The following SRGAP1 variants were observed in gnomAD, a reference collection of about 807,000 sequenced individuals.
SRGAP1 encodes the protein SLIT-ROBO Rho GTPase activating protein 1.
Under a neutral mutation model 121.9 loss-of-function variants are expected in SRGAP1, and 43 were observed. That is an observed-to-expected ratio of 0.35 (90% CI 0.28 to 0.46). The LOEUF is 0.46. SRGAP1 is among the 20% of genes least tolerant of loss of function. SRGAP1 has a pLI of 1.00. For synonymous variants in SRGAP1, 447 were observed against 485.4 expected (o/e 0.92, Z 1.04); for missense variants, 1,102 against 1,350.9 (o/e 0.82, Z 2.89).
chr12:63,948,913 C>CAT (rs56741629), intron 1 of SRGAP1, among the ~76,000 whole-genome samples: 6 of 51,058 alleles, frequency 1.2e-4, no homozygotes, highest in South Asian at 6.3e-4. Context: ...ATATATTTTC[C>CAT]ATATATATAT....
intron 15 of SRGAP1, chr12:64,097,664 GGA>G (rs1181714328): frequency 2.2e-5 from 6 of 276,098 alleles, no homozygotes; most frequent in African/African-American, 1.3e-4. Context: ...GCTGCCTAAG[GGA>G]AAGGAGGAAG....
At chr12:64,004,071 C>T (rs745770706) in intron 3 of SRGAP1, among the ~76,000 whole-genome samples, 10 of 152,188 alleles carry the variant, frequency 6.6e-5, no homozygotes, top group Non-Finnish European at 1.5e-4. Flanking sequence ...TGTCTTCAGA[C>T]AAGCCAAGTG....
chr12:63,948,319 A>G (rs112019607), intron 1 of SRGAP1, among the ~76,000 whole-genome samples: 39 of 152,090 alleles, frequency 2.6e-4, no homozygotes, highest in Admixed American at 3.3e-4. Flanking sequence ...TCCTGTCATG[A>G]TTTGAGAAAA....
chr12:64,047,434 T>A (rs928832022), intron 6 of SRGAP1, among the ~76,000 whole-genome samples: 1 of 152,292 alleles, frequency 6.6e-6, no homozygotes, highest in South Asian at 2.1e-4. Flanking sequence ...TGTGAGTTTA[T>A]TTAGCGAAGT....
chr12:63,866,057 G>GT (rs59913144), intron 1 of SRGAP1, among the ~76,000 whole-genome samples: 56 of 151,834 alleles, frequency 3.7e-4, no homozygotes, highest in Admixed American at 1.3e-3. Flanking sequence ...TCAAAATGAC[G>GT]TTTTTTTTAT....
chr12:63,881,188 G>A (rs1218438751), intron 1 of SRGAP1, among the ~76,000 whole-genome samples: 1 of 152,186 alleles, frequency 6.6e-6, no homozygotes, highest in African/African-American at 2.4e-5. Context: ...ACACACAATG[G>A]TGTGTGAACA....
chr12:63,967,970 T>C (rs567212355), intron 1 of SRGAP1, among the ~76,000 whole-genome samples: 4 of 152,218 alleles, frequency 2.6e-5, no homozygotes, highest in Non-Finnish European at 5.9e-5. Flanking sequence ...ACTGTTCTAG[T>C]ATTTTCAATG....
At chr12:64,027,010 G>C (rs1207727558) in intron 4 of SRGAP1, among the ~76,000 whole-genome samples, 2 of 152,066 alleles carry the variant, frequency 1.3e-5, no homozygotes, top group Non-Finnish European at 2.9e-5. Context: ...TTTTAATTCA[G>C]ATTAGCAAGT....
chr12:63,951,152 C>CTTTTTTTT lies in SRGAP1; in HGVS notation c.68-32773_68-32766dup, dbSNP rs58637983. On this transcript the variant is annotated intron_variant, in intron 1 of 21. Coordinates refer to ENST00000355086, the MANE Select transcript of SRGAP1 (RefSeq NM_020762.4). ...GGGCTGGTCCATGCCATTTAGAACT[C>CTTTTTTTT]TTTTTTTTTTTTTTTTTTTTTTTTT... Among the ~76,000 whole-genome samples the CTTTTTTTT allele has an allele frequency of 5.2e-4, 23 of 44,182 alleles. 3 individuals are homozygous for CTTTTTTTT. The highest frequency in any genetic ancestry group is 2.0e-3 in the East Asian group (2 of 1,020). The allele number at this position is 44,182 out of a possible 152,430, so 29.0% of individuals were successfully genotyped here. A position where few individuals can be genotyped will look rare whatever the true frequency, so the allele number is the denominator to read the frequency against.
chr12:63,866,642 T>C (rs962477787), intron 1 of SRGAP1, among the ~76,000 whole-genome samples: 10 of 152,048 alleles, frequency 6.6e-5, no homozygotes, highest in African/African-American at 2.4e-4. Flanking sequence ...GCAAAATTTG[T>C]ATTTATTTAT....
At chr12:63,852,332 T>A (rs1348861986) in intron 1 of SRGAP1, among the ~76,000 whole-genome samples, 3 of 152,234 alleles carry the variant, frequency 2.0e-5, no homozygotes, top group Non-Finnish European at 2.9e-5. Flanking sequence ...GCATTCTGAT[T>A]TAGATAGGTT....
At chr12:63,979,426 ATGATT>A (rs1449326349) in intron 1 of SRGAP1, among the ~76,000 whole-genome samples, 1 of 151,412 alleles carries the variant, frequency 6.6e-6, no homozygotes, top group East Asian at 1.9e-4. Flanking sequence ...TATCAGACAT[ATGATT>A]TGTGAATATT....
chr12:63,995,338 A>G (rs1485761115), intron 3 of SRGAP1, among the ~76,000 whole-genome samples: 1 of 152,162 alleles, frequency 6.6e-6, no homozygotes, highest in East Asian at 1.9e-4. Flanking sequence ...ACATATCCTC[A>G]CAGCTGCCCA....
chr12:63,855,454 A>G (rs1372050933), intron 1 of SRGAP1, among the ~76,000 whole-genome samples: 1 of 144,464 alleles, frequency 6.9e-6, no homozygotes, highest in Non-Finnish European at 1.5e-5. Flanking sequence ...AACAAGCAGC[A>G]GTCAACATGA....
chr12:64,106,215 A>G (rs775881912), intron 15 of SRGAP1, among the ~76,000 whole-genome samples: 11 of 152,220 alleles, frequency 7.2e-5, no homozygotes, highest in Admixed American at 2.0e-4. Context: ...AAGATTCTCA[A>G]TAAACAGCGG....
At chr12:63,854,334 ATAT>A (rs1592883587) in intron 1 of SRGAP1, among the ~76,000 whole-genome samples, 1 of 152,208 alleles carries the variant, frequency 6.6e-6, no homozygotes, top group Admixed American at 6.5e-5. Flanking sequence ...ATTTTTAATA[ATAT>A]TGATGAATTG....
intron 1 of SRGAP1, among the ~76,000 whole-genome samples, chr12:63,955,045 C>T (rs1236531241): frequency 2.0e-5 from 3 of 152,144 alleles, no homozygotes; most frequent in South Asian, 2.1e-4. Flanking sequence ...AGGCCCGGCG[C>T]GGTGGCTCGC....
chr12:63,871,094 C>T (rs1282810223), intron 1 of SRGAP1, among the ~76,000 whole-genome samples: 5 of 152,106 alleles, frequency 3.3e-5, no homozygotes, highest in East Asian at 3.9e-4. Flanking sequence ...GGTCAAGGAC[C>T]ACACTTTGGG....
intron 6 of SRGAP1, among the ~76,000 whole-genome samples, chr12:64,059,179 A>G (rs1453419211): frequency 6.6e-6 from 1 of 152,146 alleles, no homozygotes; most frequent in African/African-American, 2.4e-5. Context: ...GACCTGCAGA[A>G]TCCAACTGAC....
Sources: allele counts gnomAD v4.1 joint callset (sites outside exome capture counted in the v4.1 genomes callset), GRCh38; gene constraint gnomAD v4.1.1; transcripts MANE v1.5; gene names NCBI Gene and HGNC (gene_info 2026-07-23, HGNC 2026-07-21).